UBE3A: variants seen among roughly 807,000 people sequenced by gnomAD.
The protein encoded by UBE3A is ubiquitin protein ligase E3A.
Under a neutral mutation model 83.4 loss-of-function variants are expected in UBE3A, and 6 were observed. The ratio of observed to expected loss-of-function variants is 0.07; its 90% CI spans 0.04 to 0.14. The LOEUF is 0.14. Among genes scored for constraint, UBE3A ranks in the 10% least tolerant of loss-of-function variants. UBE3A has a pLI of 1.00. For synonymous variants in UBE3A, 337 were observed against 355.4 expected (o/e 0.95, Z 0.58); for missense variants, 456 against 1,036.1 (o/e 0.44, Z 7.69).
At chr15:25,400,623 T>G (rs1405378680) in intron 4 of UBE3A, among the ~76,000 whole-genome samples, 1 of 152,246 alleles carries the variant, frequency 6.6e-6, no homozygotes, top group African/African-American at 2.4e-5. Flanking sequence ...TTGTCATTAA[T>G]GTACAGAAAT....
At chr15:25,358,309 G>A (rs1595625107) in intron 7 of UBE3A, among the ~76,000 whole-genome samples, 1 of 151,880 alleles carries the variant, frequency 6.6e-6, no homozygotes, top group Non-Finnish European at 1.5e-5. Context: ...AGCCTGGGAG[G>A]TGGAGGTTGC....
chr15:25,400,252 G>A (rs777562192), intron 4 of UBE3A, among the ~76,000 whole-genome samples: 39 of 151,824 alleles, frequency 2.6e-4, no homozygotes, highest in Non-Finnish European at 4.7e-4. Flanking sequence ...ATCATCCCTC[G>A]GTATCTGCAG....
At chr15:25,404,685 A>G (rs1342238255) in intron 4 of UBE3A, among the ~76,000 whole-genome samples, 1 of 152,176 alleles carries the variant, frequency 6.6e-6, no homozygotes, top group African/African-American at 2.4e-5. Flanking sequence ...TGACAAACTT[A>G]CTATCTACCT....
chr15:25,347,156 A>T (rs181023922), intron 11 of UBE3A: 7 of 152,340 alleles, frequency 4.6e-5, no homozygotes, highest in Non-Finnish European at 5.9e-5. Flanking sequence ...TAATGGAAAT[A>T]GCAGAAACAT....
chr15:25,339,451 T>C (rs2074358352), intron 12 of UBE3A, 194 bp from the exon 13 acceptor site: 2 of 581,152 alleles, frequency 3.4e-6, no homozygotes, highest in Non-Finnish European at 2.8e-6. Flanking sequence ...TCAAAGCTAG[T>C]GACGATGATA....
chr15:25,370,221 C>T lies in UBE3A; in HGVS notation c.1608+345G>A, dbSNP rs1395529216. 6.6e-6 allele frequency among the ~76,000 whole-genome samples: 1 copy of T among 152,200 alleles called. No homozygotes were observed. Among genetic ancestry groups the T allele is most frequent in the Non-Finnish European group, 1.5e-5 (1 of 68,036 alleles). ...TTACTCCCAGTTCAAGACTGCACAT[C>T]CACACTTATTATTGGGTATCTCCAC... On this transcript the variant is annotated intron_variant, in intron 6 of 12. Transcript: ENST00000648336. This position sits in a 1 kb window ranked among gnomAD's most constrained non-coding sequence, Gnocchi z 4.2.
At chr15:25,378,761 A>C (rs1398794111) in intron 4 of UBE3A, among the ~76,000 whole-genome samples, 1 of 152,188 alleles carries the variant, frequency 6.6e-6, no homozygotes, top group Non-Finnish European at 1.5e-5. Flanking sequence ...TCTATGGAAA[A>C]AAATCTCATA....
chr15:25,394,141 C>G (rs751652464), intron 4 of UBE3A, among the ~76,000 whole-genome samples: 19 of 152,112 alleles, frequency 1.2e-4, no homozygotes, highest in Non-Finnish European at 2.5e-4. Context: ...CAACCAGTAC[C>G]TATTCTATTA....
At chr15:25,382,981 CCAAA>C (rs146109515) in intron 4 of UBE3A, among the ~76,000 whole-genome samples, 1,959 of 152,152 alleles carry the variant, frequency 0.013, 40 homozygotes, top group African/African-American at 0.045. Flanking sequence ...GAAAACTCTA[CCAAA>C]CATTTAAAAA....
At chr15:25,339,495 CAG>C (rs2074370914) in intron 12 of UBE3A, 5 of 384,950 alleles carry the variant, frequency 1.3e-5, no homozygotes, top group South Asian at 1.0e-4. Context: ...TACTACATAA[CAG>C]ATACCATTTT....
At chr15:25,376,077 A>G (rs577109456) in intron 4 of UBE3A, among the ~76,000 whole-genome samples, 144 of 152,312 alleles carry the variant, frequency 9.5e-4, no homozygotes, top group Admixed American at 3.2e-3. Flanking sequence ...GTTTAGTACA[A>G]CAGCTGAAAA....
intron 6 of UBE3A, among the ~76,000 whole-genome samples, chr15:25,364,905 C>T (rs1034565821): frequency 7.9e-5 from 12 of 152,024 alleles, no homozygotes; most frequent in Non-Finnish European, 1.6e-4. Flanking sequence ...CTTGGCCTCC[C>T]AAAGTGCTGG....
chr15:25,335,531 A>C lies in UBE3A; in HGVS notation c.*3606T>G, dbSNP rs1470316346. 6.6e-6 allele frequency: 1 copy of C among 152,186 alleles called. No homozygotes were observed. The highest frequency in any genetic ancestry group is 1.9e-4 in the East Asian group (1 of 5,182). The allele number at this position is 152,186 out of a possible 1,614,324, so 9.4% of individuals were successfully genotyped here. A position where few individuals can be genotyped will look rare whatever the true frequency, so the allele number is the denominator to read the frequency against. ...ATCAGGACCTGTAAGGGCAGTATAA[A>C]GAAGGAAGGAATGATGGGAGAGGTT... On this transcript the variant is annotated 3_prime_UTR_variant, in exon 13 of 13. Coordinates refer to ENST00000648336, the MANE Select transcript of UBE3A (RefSeq NM_130839.5).
At chr15:25,364,138 T>G (rs1429383328) in intron 6 of UBE3A, among the ~76,000 whole-genome samples, 8 of 151,794 alleles carry the variant, frequency 5.3e-5, no homozygotes, top group Non-Finnish European at 1.2e-4. Flanking sequence ...AGGTGGGAGG[T>G]CAAGGCTGCA....
Position 25,371,654 on chromosome 15 carries a change from C to T in UBE3A, c.520G>A (p.Glu174Lys). 6.2e-7 allele frequency: 1 copy of T among 1,614,040 alleles called. No homozygotes were observed. Among genetic ancestry groups the T allele is most frequent in the Non-Finnish European group, 8.5e-7 (1 of 1,180,002 alleles). The change falls in exon 6 of 13, where the codon GAA (glutamate) becomes AAA (lysine). Residue 174 changes from glutamate (E) to lysine (K), a missense_variant. By Grantham distance (56) the Glu-to-Lys change is moderately conservative (BLOSUM62 1). This residue lies in a region of UBE3A where 34 missense variants were observed against 79.1 expected (regional missense o/e 0.43). Coordinates refer to ENST00000648336, the MANE Select transcript of UBE3A (RefSeq NM_130839.5). The surrounding 1 kb of genome is among the most constrained non-coding windows in gnomAD (Gnocchi z 5.3). Reference sequence around the variant, plus strand: ...TCTTTTGCTTGAAGAGATTTCAGTTCTTCCTTGGTGTGTTGTTTAACTTTC... The same window carrying T: ...TCTTTTGCTTGAAGAGATTTCAGTTTTTCCTTGGTGTGTTGTTTAACTTTC... Reference protein sequence around the residue: ...FRKVKQHTKEELKSLQAKDED... With the variant: ...FRKVKQHTKEKLKSLQAKDED...
intron 1 of UBE3A, among the ~76,000 whole-genome samples, chr15:25,433,122 T>A (rs1352545941): frequency 6.6e-6 from 1 of 152,102 alleles, no homozygotes; most frequent in African/African-American, 2.4e-5. Context: ...CCATTGTCCA[T>A]GTCAAATGGA....
chr15:25,351,480 G>T (rs111635362), intron 11 of UBE3A, among the ~76,000 whole-genome samples: 1 of 152,006 alleles, frequency 6.6e-6, no homozygotes, highest in Non-Finnish European at 1.5e-5. Flanking sequence ...TCTGTTTTTC[G>T]TTTTTTTGAG....
chr15:25,344,114 T>A (rs1476663444), intron 11 of UBE3A, among the ~76,000 whole-genome samples: 2 of 152,244 alleles, frequency 1.3e-5, no homozygotes, highest in Admixed American at 6.5e-5. Flanking sequence ...TAACAATTTA[T>A]CTTAATGATA....
intron 4 of UBE3A, among the ~76,000 whole-genome samples, chr15:25,385,442 AT>A: frequency 6.6e-6 from 1 of 152,260 alleles, no homozygotes; most frequent in Non-Finnish European, 1.5e-5. Context: ...AAAACAGAAA[AT>A]AAGTATTGGT....
Sources: gnomAD v4.1 joint callset for allele counts (sites outside exome capture counted in the v4.1 genomes callset) on GRCh38, gnomAD v4.1.1 for gene constraint, gnomAD v4.1.1 regional missense constraint, Gnocchi (gnomAD v3.1) non-coding constraint, MANE v1.5 for transcripts, NCBI Gene and HGNC (gene_info 2026-07-23, HGNC 2026-07-21) for gene names.